The following CNTNAP5 variants were observed in gnomAD, a reference collection of about 807,000 sequenced individuals.
CNTNAP5 encodes the protein contactin-associated protein-like 5.
A neutral mutation model predicts 150.2 loss-of-function variants in CNTNAP5; 72 were observed. The ratio of observed to expected loss-of-function variants is 0.48; its 90% CI spans 0.40 to 0.58. The LOEUF (loss-of-function observed/expected upper bound fraction) is 0.58. CNTNAP5 is among the 20% of genes least tolerant of loss of function. CNTNAP5 has a pLI of 0.00. For missense variants in CNTNAP5, 1,636 were observed against 1,626.2 expected, an observed-to-expected ratio of 1.01 and a Z score of -0.10; for synonymous variants, 672 against 619.8, an observed-to-expected ratio of 1.08 and a Z score of -1.25.
At chr2:124,296,493 C>T (rs1444221232) in intron 3 of CNTNAP5, among the ~76,000 whole-genome samples, 2 of 152,186 alleles carry the variant, frequency 1.3e-5, no homozygotes, top group Non-Finnish European at 2.9e-5. Flanking sequence ...ACCAGCCTTT[C>T]TGTCACCAAA....
intron 1 of CNTNAP5, among the ~76,000 whole-genome samples, chr2:124,047,283 C>A (rs749884682): frequency 2.0e-5 from 3 of 152,234 alleles, no homozygotes. Flanking sequence ...AATGTCCACT[C>A]AGGGAGACTG....
At chr2:124,872,602 A>C (rs1677775563) in intron 21 of CNTNAP5, among the ~76,000 whole-genome samples, 1 of 151,876 alleles carries the variant, frequency 6.6e-6, no homozygotes, top group Admixed American at 6.6e-5. Flanking sequence ...AAGAAATATA[A>C]ATTTGAGCTC....
At chr2:124,565,924 C>T (rs1473347108) in intron 11 of CNTNAP5, among the ~76,000 whole-genome samples, 2 of 149,592 alleles carry the variant, frequency 1.3e-5, no homozygotes, top group South Asian at 2.1e-4. Context: ...TATGTGAATA[C>T]GTATAAGATT....
chr2:124,216,902 C>T (rs1686172251), intron 1 of CNTNAP5, among the ~76,000 whole-genome samples: 1 of 152,038 alleles, frequency 6.6e-6, no homozygotes, highest in Non-Finnish European at 1.5e-5. Flanking sequence ...TGGGTATATA[C>T]CCAGTAATGG....
At chr2:124,609,996 G>A (rs1398628392) in intron 12 of CNTNAP5, 76 bp downstream of exon 12, 1 of 1,489,550 alleles carries the variant, frequency 6.7e-7, no homozygotes, top group African/African-American at 1.4e-5. Context: ...TCACTGGAGG[G>A]GGATACCTAC....
chr2:124,233,712 C>G (rs1383626340), intron 2 of CNTNAP5, among the ~76,000 whole-genome samples: 4 of 151,754 alleles, frequency 2.6e-5, no homozygotes, highest in Non-Finnish European at 5.9e-5. Context: ...TTCTCTCTCT[C>G]TCTTTCACAG....
At chr2:124,419,993 T>TTC (rs1558894172) in intron 4 of CNTNAP5, among the ~76,000 whole-genome samples, 3 of 135,086 alleles carry the variant, frequency 2.2e-5, no homozygotes, top group African/African-American at 5.5e-5. Context: ...TCTTTCTTTT[T>TTC]TTTTTTTTTT....
chr2:124,129,723 G>A (rs1683802466), intron 1 of CNTNAP5, among the ~76,000 whole-genome samples: 2 of 152,158 alleles, frequency 1.3e-5, no homozygotes, highest in African/African-American at 4.8e-5. Flanking sequence ...CAATAAAATT[G>A]TGAGGAAAGG....
intron 21 of CNTNAP5, among the ~76,000 whole-genome samples, chr2:124,874,890 C>T (rs1196968493): frequency 2.0e-5 from 3 of 151,944 alleles, no homozygotes; most frequent in South Asian, 4.1e-4. Flanking sequence ...TAAGCTCACA[C>T]CTGACAGAGG....
chr2:124,047,771 C>T (rs1446330304), intron 1 of CNTNAP5, among the ~76,000 whole-genome samples: 4 of 152,142 alleles, frequency 2.6e-5, no homozygotes, highest in South Asian at 2.1e-4. Context: ...TCAGCTCTAT[C>T]GTTCCTTGCA....
At chr2:124,371,407 C>T (rs1573949489) in intron 3 of CNTNAP5, among the ~76,000 whole-genome samples, 2 of 152,178 alleles carry the variant, frequency 1.3e-5, no homozygotes, top group East Asian at 3.9e-4. Context: ...GGTAGATTTT[C>T]TCAAAGTATT....
rs1247588191 is a variant in CNTNAP5, at chr2:124,377,352, T to C, written c.382-40091T>C. Among the ~76,000 whole-genome samples, 3 of 152,026 alleles carry C rather than the reference T, an allele frequency of 2.0e-5. No individual in the cohort carries two copies. In the South Asian group the frequency reaches 6.2e-4, roughly 32 times the overall value. ...GAAAGAATAAGGAGTGTAAAAGGTG[T>C]AGAAACAAAACAAAAGAAATTGTAG... On this transcript the variant is annotated intron_variant, in intron 3 of 23. Transcript: ENST00000682447.
chr2:124,391,040 C>T (rs984096208), intron 3 of CNTNAP5, among the ~76,000 whole-genome samples: 9 of 152,142 alleles, frequency 5.9e-5, no homozygotes, highest in South Asian at 2.1e-4. Flanking sequence ...AAACCAGCGG[C>T]GGTTTAAATC....
chr2:124,202,197 C>T (rs534501677), intron 1 of CNTNAP5, among the ~76,000 whole-genome samples: 6 of 152,202 alleles, frequency 3.9e-5, no homozygotes, highest in African/African-American at 1.2e-4. Flanking sequence ...AAAGAATGTA[C>T]TCTATCATTT....
At chr2:124,235,022 C>G (rs1263148399) in intron 2 of CNTNAP5, among the ~76,000 whole-genome samples, 2 of 152,044 alleles carry the variant, frequency 1.3e-5, no homozygotes, top group Non-Finnish European at 2.9e-5. Flanking sequence ...AGGCGGTGGT[C>G]TCTGGAGATA....
intron 1 of CNTNAP5, among the ~76,000 whole-genome samples, chr2:124,045,942 T>C (rs1213953): frequency 0.97 from 146,994 of 152,232 alleles, 71,170 homozygotes; most frequent in East Asian, 1. Flanking sequence ...CATCACTGTG[T>C]GTATATCTGC....
chr2:124,240,706 T>C (rs1277097479), intron 2 of CNTNAP5, among the ~76,000 whole-genome samples: 1 of 152,118 alleles, frequency 6.6e-6, no homozygotes, highest in Non-Finnish European at 1.5e-5. Flanking sequence ...CAAAATCTGC[T>C]AAGGGCTAGC....
chr2:124,368,415 A>G (rs1690430567), intron 3 of CNTNAP5, among the ~76,000 whole-genome samples: 2 of 152,170 alleles, frequency 1.3e-5, no homozygotes. Context: ...TACAACTGCT[A>G]CAGAAGCCAT....
rs70996064 is a variant in CNTNAP5 at position 124,416,936 on chromosome 2, CTTTTTTTTTTT to C, written c.382-496_382-486del. ...TTCATAAAATGTTTAAGAGGGATTT[CTTTTTTTTTTT>C]TTTTTTTTTTGACAGAGTCTCCCTC... On this transcript the variant is annotated intron_variant, in intron 3 of 23. Transcript: ENST00000682447. Among the ~76,000 whole-genome samples the C allele has an allele frequency of 1.9e-5, 2 of 106,584 alleles. 1 individual carries two copies. The allele number at this position is 106,584 out of a possible 152,430, so 69.9% of individuals were successfully genotyped here. A position where few individuals can be genotyped will look rare whatever the true frequency, so the allele number is the denominator to read the frequency against.
Sources: allele counts gnomAD v4.1 joint callset (sites outside exome capture counted in the v4.1 genomes callset), GRCh38; gene constraint gnomAD v4.1.1; transcripts MANE v1.5; gene names NCBI Gene and HGNC (gene_info 2026-07-23, HGNC 2026-07-21).